BST1: variants seen among roughly 807,000 people sequenced by gnomAD.
BST1 encodes the protein bone marrow stromal cell antigen 1, also known as ADP-ribosyl cyclase/cyclic ADP-ribose hydrolase 2.
In BST1, 49 loss-of-function variants were observed where a neutral mutation model predicts 40.6. That is an observed-to-expected ratio of 1.21 (90% CI 0.96 to 1.53). The LOEUF (loss-of-function observed/expected upper bound fraction) is 1.53, where lower values mean the gene tolerates loss of function less well. BST1 is among the 40% of genes most tolerant of loss of function. The probability of loss-of-function intolerance (pLI) is 0.00; values close to 1 mark genes in which losing one functional copy is unlikely to be tolerated. For missense variants in BST1, 423 were observed against 395.9 expected, an observed-to-expected ratio of 1.07 and a Z score of -0.58; for synonymous variants, 157 against 159.3, an observed-to-expected ratio of 0.99 and a Z score of 0.11.
chr4:15,704,979 G>A (rs753956338), intron 1 of BST1: 1 of 772,120 alleles, frequency 1.3e-6, no homozygotes, highest in Non-Finnish European at 2.4e-6. Flanking sequence ...GAGAAACAAA[G>A]TTACAAATGC....
chr4:15,731,736 G>T lies in BST1; in HGVS notation c.852-4G>T, dbSNP rs372023237. 4.3e-6 allele frequency: 7 copies of T among 1,610,016 alleles called. No individual in the cohort carries two copies. The highest frequency in any genetic ancestry group is 3.4e-6 in the Non-Finnish European group (4 of 1,178,108). ...ACTTTCTCTATTTCCTTGTTAATTTGCAGGGCAGCAGCCGCTACTCAAAGA... is the reference window on the plus strand; with the variant it reads ...ACTTTCTCTATTTCCTTGTTAATTTTCAGGGCAGCAGCCGCTACTCAAAGA... On this transcript the variant is annotated splice_polypyrimidine_tract_variant and splice_region_variant and intron_variant, in intron 8 of 8. Transcript: ENST00000265016.
At chr4:15,755,173 C>T in the BST1 span, among the ~76,000 whole-genome samples, 35 of 152,256 alleles carry the variant, frequency 2.3e-4, no homozygotes, top group East Asian at 6.6e-3. Context: ...GAGTCTCACT[C>T]TGTCGCCCAG....
the BST1 span, among the ~76,000 whole-genome samples, chr4:15,764,735 C>T: frequency 6.6e-6 from 1 of 151,872 alleles, no homozygotes; most frequent in Non-Finnish European, 1.5e-5. Flanking sequence ...GCCTCCACCC[C>T]CAAGATCAGG....
chr4:15,723,122 C>T (rs1367081293), intron 8 of BST1, among the ~76,000 whole-genome samples, 188 bp downstream of exon 8: 1 of 152,218 alleles, frequency 6.6e-6, no homozygotes, highest in Non-Finnish European at 1.5e-5. Flanking sequence ...TCACGCTACA[C>T]ATAACGTCCT....
downstream of BST1, among the ~76,000 whole-genome samples, chr4:15,734,846 A>G (rs1027886624): frequency 8.5e-5 from 13 of 152,228 alleles, no homozygotes; most frequent in Non-Finnish European, 2.9e-5. Flanking sequence ...TCAGTCGGAC[A>G]CTGCCACAGG....
At chr4:15,760,845 C>T in the BST1 span, among the ~76,000 whole-genome samples, 2 of 150,226 alleles carry the variant, frequency 1.3e-5, no homozygotes, top group Admixed American at 6.6e-5. Context: ...TGCACCACCA[C>T]GCCTAGCTTT....
At chr4:15,707,878 C>CATATATATATACACAT (rs5856312) in intron 3 of BST1, among the ~76,000 whole-genome samples, 2 of 138,152 alleles carry the variant, frequency 1.4e-5, no homozygotes, top group Non-Finnish European at 3.1e-5. Flanking sequence ...TATATATACA[C>CATATATATATACACAT]ATATATATAC....
At chr4:15,758,974 G>A in the BST1 span, among the ~76,000 whole-genome samples, 1 of 151,898 alleles carries the variant, frequency 6.6e-6, no homozygotes, top group Non-Finnish European at 1.5e-5. Context: ...AGTGCCTTTT[G>A]TAGGAAATCA....
chr4:15,712,110 A>G (rs1720250494), intron 4 of BST1, among the ~76,000 whole-genome samples: 2 of 152,252 alleles, frequency 1.3e-5, no homozygotes, highest in African/African-American at 2.4e-5. Context: ...AACATTCTGT[A>G]AATGTTAGCT....
chr4:15,712,283 C>T (rs753291710), intron 4 of BST1, among the ~76,000 whole-genome samples: 3 of 152,096 alleles, frequency 2.0e-5, no homozygotes, highest in African/African-American at 2.4e-5. Flanking sequence ...GAAATGTCCA[C>T]AAGACTAATA....
chr4:15,764,217 T>C, the BST1 span, among the ~76,000 whole-genome samples: 3 of 152,008 alleles, frequency 2.0e-5, no homozygotes, highest in African/African-American at 7.3e-5. Context: ...AAAGCTGCTC[T>C]AAAAAATGAA....
the BST1 span, among the ~76,000 whole-genome samples, chr4:15,753,516 C>A: frequency 1.8e-3 from 276 of 152,330 alleles, no homozygotes; most frequent in Non-Finnish European, 3.0e-3. Flanking sequence ...TAGCATCCCT[C>A]TCCATTAGGT....
chr4:15,773,025 A>G, the BST1 span, among the ~76,000 whole-genome samples: 1 of 151,986 alleles, frequency 6.6e-6, no homozygotes, highest in African/African-American at 2.4e-5. Flanking sequence ...GGTGACTTGG[A>G]AAAAAAACCC....
chr4:15,707,141 G>C (rs1173549381), intron 2 of BST1, among the ~76,000 whole-genome samples: 2 of 152,200 alleles, frequency 1.3e-5, no homozygotes, highest in Non-Finnish European at 2.9e-5. Context: ...TCCAGAAGTA[G>C]AAACTGAGAA....
chr4:15,744,713 C>A, the BST1 span, among the ~76,000 whole-genome samples: 2 of 152,112 alleles, frequency 1.3e-5, no homozygotes, highest in East Asian at 3.9e-4. Context: ...CTGGAGCTGG[C>A]CTATACCCAC....
At chr4:15,740,613 T>C (rs566260686), downstream of BST1, among the ~76,000 whole-genome samples, 15 of 152,146 alleles carry the variant, frequency 9.9e-5, no homozygotes, top group Non-Finnish European at 2.1e-4. Context: ...AACTACTGAG[T>C]TTGTCTTCAG....
At chr4:15,721,547 A>G (rs1042370745) in intron 7 of BST1, among the ~76,000 whole-genome samples, 2 of 152,046 alleles carry the variant, frequency 1.3e-5, no homozygotes, top group African/African-American at 4.8e-5. Context: ...TGAGCAAACT[A>G]TCCCAAGGAC....
intron 1 of BST1, among the ~76,000 whole-genome samples, chr4:15,704,129 A>G (rs1194493774): frequency 5.4e-4 from 32 of 59,490 alleles, no homozygotes; most frequent in African/African-American, 7.5e-4. Flanking sequence ...TAGGTGAGGG[A>G]TGTGTGTGTG....
At chr4:15,760,895 C>A in the BST1 span, among the ~76,000 whole-genome samples, 1 of 151,322 alleles carries the variant, frequency 6.6e-6, no homozygotes, top group South Asian at 2.1e-4. Context: ...GGGGTTTCAC[C>A]ATGTTGCCCA....
Sources: allele counts gnomAD v4.1 joint callset (sites outside exome capture counted in the v4.1 genomes callset), GRCh38; gene constraint gnomAD v4.1.1; transcripts MANE v1.5; gene names NCBI Gene and HGNC (gene_info 2026-07-23, HGNC 2026-07-21).